Variants in GCKR observed in about 807,000 individuals in gnomAD.
GCKR encodes glucokinase regulator.
A neutral mutation model predicts 82.9 loss-of-function variants in GCKR; 73 were observed. The observed-to-expected ratio is 0.88, with a 90% CI of 0.73 to 1.07. The LOEUF (loss-of-function observed/expected upper bound fraction) is 1.07, where lower values mean the gene tolerates loss of function less well. Ranked by LOEUF, GCKR falls within the 50% of genes least tolerant of loss-of-function variation. The pLI is 0.00. For missense variants in GCKR, 784 were observed against 782.1 expected, an observed-to-expected ratio of 1.00 and a Z score of -0.03; for synonymous variants, 294 against 291.8, an observed-to-expected ratio of 1.01 and a Z score of -0.08.
chr2:27,518,968 G>GGTGGC, intron 17 of GCKR, 31 bp downstream of exon 17: 1 of 743,114 alleles, frequency 1.3e-6, no homozygotes, highest in Non-Finnish European at 2.4e-6. Flanking sequence ...GGTTGGGTGG[G>GGTGGC]ACCTGGCCTC....
At chr2:27,505,591 G>A in intron 9 of GCKR, 127 bp from the exon 10 acceptor site, 1 of 720,322 alleles carries the variant, frequency 1.4e-6, no homozygotes, top group Non-Finnish European at 2.6e-6. Context: ...GCCCACCCCA[G>A]CACCCTTCCT....
intron 8 of GCKR, among the ~76,000 whole-genome samples, chr2:27,502,228 A>G (rs1316686029): frequency 6.6e-6 from 1 of 152,122 alleles, no homozygotes; most frequent in African/African-American, 2.4e-5. Context: ...AATCTGAAAT[A>G]CTCCTAACCC....
At chr2:27,499,339 T>C (rs374682058) in intron 6 of GCKR, 58 bp from the exon 7 acceptor site, 21 of 1,433,632 alleles carry the variant, frequency 1.5e-5, no homozygotes, top group Middle Eastern at 1.7e-4. Context: ...CCTCACACAG[T>C]AGATTTGTGC....
intron 16 of GCKR, among the ~76,000 whole-genome samples, chr2:27,517,352 A>G (rs569464346): frequency 1.8e-4 from 28 of 152,274 alleles, no homozygotes; most frequent in East Asian, 7.7e-4. Context: ...ACAGTTCAGC[A>G]TGGCTGGGGA....
Position 27,506,528 on chromosome 2 carries a change from C to T in GCKR, c.917C>T (p.Thr306Ile). 4 of 1,614,000 alleles carry T rather than the reference C, an allele frequency of 2.5e-6. No homozygotes were observed. Among genetic ancestry groups the T allele is most frequent in the Middle Eastern group, 3.3e-4 (2 of 6,062 alleles). The change falls in exon 11 of 19, where the codon ACC becomes ATC. Residue 306 changes from threonine (T) to isoleucine (I), a missense_variant. Coordinates refer to ENST00000264717, the MANE Select transcript of GCKR (RefSeq NM_001486.4). ...LRTFERAHQV[T>I]YSQSPKIATL... ...ACATTTGAGCGAGCTCATCAGGTGA[C>T]CTACAGCCAAAGCCCCAAGATTGCC...
At chr2:27,515,522 C>T (rs1179495096) in intron 16 of GCKR, among the ~76,000 whole-genome samples, 13 of 152,160 alleles carry the variant, frequency 8.5e-5, no homozygotes, top group African/African-American at 2.6e-4. Context: ...GTGATCCACT[C>T]GCCTCTGCCT....
At chr2:27,497,744 T>TCCTC in intron 3 of GCKR, 114 bp downstream of exon 3, 1 of 733,878 alleles carries the variant, frequency 1.4e-6, no homozygotes, top group Non-Finnish European at 2.5e-6. Flanking sequence ...CTTTTGGAGA[T>TCCTC]CCTCCCTTTT....
Position 27,506,744 on chromosome 2 carries a change from T to G in GCKR, c.969-44T>G, listed in dbSNP as rs201856992. On this transcript the variant is annotated intron_variant, in intron 11 of 18. Transcript: ENST00000264717. ...TCTTCTGTGGACATCTCTGGCCTCT[T>G]TGCACGGTGATCTCTCATGTCCTGA... 66 of 1,310,982 alleles carry G rather than the reference T, an allele frequency of 5.0e-5. 1 individual carries two copies. In the Middle Eastern group the frequency reaches 9.2e-4, roughly 18 times the overall value. 81.2% of individuals were successfully genotyped at this position (1,310,982 alleles called of 1,614,324 possible).
chr2:27,515,776 T>TC (rs1558441538), intron 16 of GCKR, among the ~76,000 whole-genome samples: 13 of 145,866 alleles, frequency 8.9e-5, no homozygotes, highest in Admixed American at 2.1e-4. Flanking sequence ...TTTTTTTTTT[T>TC]TTTTTGAGAC....
intron 16 of GCKR, among the ~76,000 whole-genome samples, chr2:27,509,984 T>C (rs1259105493): frequency 6.6e-6 from 1 of 151,816 alleles, no homozygotes; most frequent in Non-Finnish European, 1.5e-5. Context: ...TGCCGGGACA[T>C]GTTCTCATCT....
chr2:27,516,539 C>A (rs1237876071), intron 16 of GCKR, among the ~76,000 whole-genome samples: 1 of 152,134 alleles, frequency 6.6e-6, no homozygotes. Context: ...AAGTGATCCA[C>A]TCACCTCAGC....
Position 27,523,486 on chromosome 2 carries a change from A to G in GCKR, c.*47A>G. 1.3e-6 allele frequency: 2 copies of G among 1,581,038 alleles called. No individual in the cohort carries two copies. Among genetic ancestry groups the G allele is most frequent in the Non-Finnish European group, 1.7e-6 (2 of 1,162,960 alleles). ...AAAGGGGCCCAACCCTGCCCACTTCAGCCCAGCCCGCCCAAGGGGACTTGT... is the reference window on the plus strand; with the variant it reads ...AAAGGGGCCCAACCCTGCCCACTTCGGCCCAGCCCGCCCAAGGGGACTTGT... On this transcript the variant is annotated 3_prime_UTR_variant, in exon 19 of 19. Coordinates refer to ENST00000264717, the MANE Select transcript of GCKR (RefSeq NM_001486.4).
At chr2:27,497,880 T>A (rs1459106545) in intron 3 of GCKR, among the ~76,000 whole-genome samples, 1 of 152,244 alleles carries the variant, frequency 6.6e-6, no homozygotes, top group Non-Finnish European at 1.5e-5. Context: ...ATGACTTCTG[T>A]TTGTTTTCCT....
At chr2:27,507,163 C>G in intron 12 of GCKR, 72 bp from the exon 13 acceptor site, 2 of 1,061,758 alleles carry the variant, frequency 1.9e-6, no homozygotes, top group South Asian at 1.2e-5. Flanking sequence ...CCCATTTTCT[C>G]CCCCTGAAGC....
intron 10 of GCKR, among the ~76,000 whole-genome samples, chr2:27,506,197 A>C (rs1669737489): frequency 6.6e-6 from 1 of 151,438 alleles, no homozygotes; most frequent in African/African-American, 2.4e-5. Context: ...CTCTAGCCTC[A>C]CTCCTAGGCT....
chr2:27,508,639 A>G (rs1286297298), intron 16 of GCKR, among the ~76,000 whole-genome samples: 1 of 152,076 alleles, frequency 6.6e-6, no homozygotes, highest in Admixed American at 6.5e-5. Flanking sequence ...TCGTGCCTCA[A>G]GTAGCTGGGA....
chr2:27,506,331 C>G, intron 10 of GCKR, 150 bp from the exon 11 acceptor site: 1 of 712,390 alleles, frequency 1.4e-6, no homozygotes, highest in Non-Finnish European at 2.6e-6. Flanking sequence ...CCCTTCGGAA[C>G]GCAGTCTGGG....
rs199808586 is a variant in GCKR, at chr2:27,522,412, G to C, written c.1573-48G>C. The C allele has an allele frequency of 4.0e-5, 65 of 1,607,806 alleles. 1 individual carries two copies. The African/African-American group carries it at 4.5e-4, about 11-fold the overall frequency. On this transcript the variant is annotated intron_variant, in intron 17 of 18. Transcript: ENST00000264717. ...TTCTTCTCCCTTGACTCCATTCTTA[G>C]TTCCTCTGGCCTTTAGCCTGACACT...
intron 17 of GCKR, among the ~76,000 whole-genome samples, chr2:27,519,602 G>A (rs533322950): frequency 2.6e-5 from 4 of 152,210 alleles, no homozygotes; most frequent in African/African-American, 7.2e-5. Flanking sequence ...GCACCCGGCC[G>A]TTGCTCTCAT....
Sources: allele counts gnomAD v4.1 joint callset (sites outside exome capture counted in the v4.1 genomes callset), GRCh38; gene constraint gnomAD v4.1.1; transcripts MANE v1.5; gene names NCBI Gene and HGNC (gene_info 2026-07-23, HGNC 2026-07-21).